Variants in SULT1A1 observed in about 807,000 individuals in gnomAD.
SULT1A1 encodes the protein sulfotransferase 1A1.
A neutral mutation model predicts 36.8 loss-of-function variants in SULT1A1; 35 were observed. The ratio of observed to expected loss-of-function variants is 0.95; its 90% CI spans 0.73 to 1.26. The LOEUF is 1.26. SULT1A1 is among the 50% of genes most tolerant of loss of function. The pLI, the probability that SULT1A1 is intolerant of heterozygous loss-of-function variation, is 0.00. For missense variants in SULT1A1, 309 were observed against 383.0 expected, an observed-to-expected ratio of 0.81 and a Z score of 1.61; for synonymous variants, 119 against 146.0, an observed-to-expected ratio of 0.82 and a Z score of 1.33.
At chr16:28,623,349 C>A in exon 1 of SULT1A1, 1 of 1,496,806 alleles carries the variant, frequency 6.7e-7, no homozygotes, top group Non-Finnish European at 8.9e-7. Flanking sequence ...CAGCACGTCC[C>A]CGGCGGAGAC....
At chr16:28,618,052 T>TA (rs1000818955) in intron 2 of SULT1A1, among the ~76,000 whole-genome samples, 12 of 151,628 alleles carry the variant, frequency 7.9e-5, no homozygotes, top group African/African-American at 2.9e-4. Flanking sequence ...CTTTTTTTTT[T>TA]TTTTTGAACC....
At position 28,605,811 on chromosome 16, in the gene SULT1A1, G is replaced by C. The variant is rs755111239; in HGVS notation, c.*10C>G. 11 of 1,609,590 alleles carry C rather than the reference G, an allele frequency of 6.8e-6. No homozygotes were observed. Among genetic ancestry groups the C allele is most frequent in the Non-Finnish European group, 9.3e-6 (11 of 1,178,102 alleles). ...GCACACTCCCTCTGCAGTGACTCCA[G>C]GAGCCCCTCTCACAGCTCAGAGCGG... On this transcript the variant is annotated 3_prime_UTR_variant, in exon 8 of 8. Coordinates refer to ENST00000314752, the MANE Select transcript of SULT1A1 (RefSeq NM_001055.4).
Position 28,608,356 on chromosome 16 carries a change from G to T in SULT1A1, c.307C>A (p.Arg103=). ...METLKDTPAP[R]LLKTHLPLAL... ...AGGGGCAGGTGTGTCTTCAGGAGTC[G>T]TGGGGCCGGTGTGTCTTTCAGAGTC... The change falls in exon 4 of 8, where the codon CGA becomes AGA. Residue 103 remains arginine (R), a synonymous_variant. Transcript: ENST00000314752. The T allele has an allele frequency of 6.2e-7, 1 of 1,612,398 alleles. No homozygotes were observed. The highest frequency in any genetic ancestry group is 1.1e-5 in the South Asian group (1 of 91,018).
Position 28,605,679 on chromosome 16 carries a change from T to C in SULT1A1, c.*142A>G. The C allele has an allele frequency of 7.0e-7, 1 of 1,429,480 alleles. No individual in the cohort carries two copies. The highest frequency in any genetic ancestry group is 2.4e-5 in the East Asian group (1 of 41,216). The allele number at this position is 1,429,480 out of a possible 1,614,324, so 88.5% of individuals were successfully genotyped here. On this transcript the variant is annotated 3_prime_UTR_variant, in exon 8 of 8. Coordinates refer to ENST00000314752, the MANE Select transcript of SULT1A1 (RefSeq NM_001055.4). ...TTGGTCTCGAACTCCTGGGCTCAAA[T>C]GATCCTCCCACCTCAGCCTCCAAAT...
upstream of SULT1A1, chr16:28,611,130 T>A (rs1170421538): frequency 6.6e-6 from 1 of 152,218 alleles, no homozygotes; most frequent in Admixed American, 6.6e-5. Context: ...CTCAGGAGGT[T>A]CCCTTGACTA....
chr16:28,620,563 CAAA>C (rs5816469), intron 1 of SULT1A1, among the ~76,000 whole-genome samples: 9 of 90,806 alleles, frequency 9.9e-5, no homozygotes, highest in Admixed American at 2.5e-4. Flanking sequence ...GACCCTGTCT[CAAA>C]AAAAAAAAAA....
intron 1 of SULT1A1, chr16:28,623,009 G>A (rs2047685879): frequency 2.3e-6 from 3 of 1,327,498 alleles, no homozygotes; most frequent in Admixed American, 2.5e-5. Context: ...TCAGAGCCCC[G>A]GCTCCTGCCC....
chr16:28,616,742 T>C (rs1310447254), intron 2 of SULT1A1, among the ~76,000 whole-genome samples: 2 of 152,160 alleles, frequency 1.3e-5, no homozygotes, highest in Non-Finnish European at 2.9e-5. Context: ...ATTTCTTATG[T>C]GAACTTGGCT....
intron 2 of SULT1A1, among the ~76,000 whole-genome samples, chr16:28,619,048 C>T (rs1349275116): frequency 6.6e-6 from 1 of 152,148 alleles, no homozygotes; most frequent in Non-Finnish European, 1.5e-5. Context: ...TGGAGTCTTG[C>T]TCTGTTGCCC....
chr16:28,606,735 G>A (rs1160888114), intron 6 of SULT1A1, 26 bp downstream of exon 6: 2 of 1,610,360 alleles, frequency 1.2e-6, no homozygotes, highest in Non-Finnish European at 1.7e-6. Context: ...GAGTCACATG[G>A]AGGGAAGCAT....
chr16:28,607,402 A>G, intron 4 of SULT1A1: 1 of 346,922 alleles, frequency 2.9e-6, no homozygotes, highest in Non-Finnish European at 5.5e-6. Flanking sequence ...TAGCTTTCTT[A>G]GGTCTACACT....
chr16:28,608,261 A>T, intron 4 of SULT1A1, 30 bp downstream of exon 4: 5 of 1,610,498 alleles, frequency 3.1e-6, no homozygotes, highest in Non-Finnish European at 4.2e-6. Flanking sequence ...TGCTGGGATT[A>T]TGGATGTGAA....
rs546277570 is a variant in SULT1A1 at position 28,618,339 on chromosome 16, C to CTTTTTTTTTTT, written c.138+1713_138+1723dup. 2.8e-5 allele frequency among the ~76,000 whole-genome samples: 2 copies of CTTTTTTTTTTT among 72,400 alleles called. 1 individual carries two copies. Among genetic ancestry groups the CTTTTTTTTTTT allele is most frequent in the Non-Finnish European group, 4.8e-5 (2 of 41,378 alleles). 47.5% of individuals were successfully genotyped at this position (72,400 alleles called of 152,430 possible). A position where few individuals can be genotyped will look rare whatever the true frequency, so the allele number is the denominator to read the frequency against. On this transcript the variant is annotated intron_variant, in intron 2 of 5. Coordinates refer to the SULT1A1 transcript ENST00000350842. ...AAGTGTGAGCCGGCTACTTCCCGCT[C>CTTTTTTTTTTT]TTTTTTTTTTTTTTTTTTTTTTTTG...
At chr16:28,610,602 G>A (rs2047414596), upstream of SULT1A1, 2 of 194,236 alleles carry the variant, frequency 1.0e-5, no homozygotes, top group East Asian at 1.5e-4. Context: ...TGGATGCATA[G>A]AACAAGAAAG....
rs144610256 is a variant in SULT1A1, at chr16:28,622,102, G to T, written c.67+1029C>A. On this transcript the variant is annotated intron_variant, in intron 1 of 5. Coordinates refer to the SULT1A1 transcript ENST00000350842. The stretch of plus-strand genomic sequence containing the variant: ...TGACTATAACCTATGCAACCTATGC[G>T]CTAGCATCATGACTCACTGGGACCC... Among the ~76,000 whole-genome samples, 7 of 152,108 alleles carry T rather than the reference G, an allele frequency of 4.6e-5. No homozygotes were observed. The East Asian group carries it at 1.3e-3, about 29-fold the overall frequency.
chr16:28,623,008 C>T (rs979726371), intron 1 of SULT1A1: 6 of 1,322,078 alleles, frequency 4.5e-6, no homozygotes, highest in Non-Finnish European at 6.2e-6. Context: ...CTCAGAGCCC[C>T]GGCTCCTGCC....
At position 28,605,527 on chromosome 16, in the gene SULT1A1, T is replaced by G. The variant is rs2047140229; in HGVS notation, c.*294A>C. 119 of 509,686 alleles carry G rather than the reference T, an allele frequency of 2.3e-4. No individual in the cohort carries two copies. The South Asian group carries it at 2.5e-3, about 11-fold the overall frequency. The allele number at this position is 509,686 out of a possible 1,614,324, so 31.6% of individuals were successfully genotyped here. ...CCTCCAGTGATCCTCTAGCCTCAACTTCTCAAATTGCTGGGATTACAGGCA... is the reference window on the plus strand; with the variant it reads ...CCTCCAGTGATCCTCTAGCCTCAACGTCTCAAATTGCTGGGATTACAGGCA... On this transcript the variant is annotated 3_prime_UTR_variant, in exon 8 of 8. Coordinates refer to ENST00000314752, the MANE Select transcript of SULT1A1 (RefSeq NM_001055.4).
At position 28,606,158 on chromosome 16, in the gene SULT1A1, G is replaced by C. The variant is rs778104206; in HGVS notation, c.673C>G (p.Gln225Glu). 6.0e-5 allele frequency: 97 copies of C among 1,611,634 alleles called. 2 individuals are homozygous for C. Among genetic ancestry groups the C allele is most frequent in the African/African-American group, 1.1e-4 (8 of 74,930 alleles). The change falls in exon 7 of 8, where the codon CAG (glutamine) becomes GAG (glutamate). Residue 225 changes from glutamine to glutamate, a missense_variant. Coordinates refer to ENST00000314752, the MANE Select transcript of SULT1A1 (RefSeq NM_001055.4). ...LPEETVDFVV[Q>E]HTSFKEMKKN... Reference sequence around the variant, plus strand: ...TTCATCTCCTTGAACGACGTGTGCTGAACCACGAAGTCCACGGTCTCCTCT... The same window carrying C: ...TTCATCTCCTTGAACGACGTGTGCTCAACCACGAAGTCCACGGTCTCCTCT...
At chr16:28,623,236 G>T (rs1468414074) in exon 1 of SULT1A1, 5 of 1,545,206 alleles carry the variant, frequency 3.2e-6, no homozygotes, top group Non-Finnish European at 3.5e-6. Context: ...CGCTCCAGCA[G>T]GCCCAGCCAC....
Sources: allele counts gnomAD v4.1 joint callset (sites outside exome capture counted in the v4.1 genomes callset), GRCh38; gene constraint gnomAD v4.1.1; transcripts MANE v1.5; gene names NCBI Gene and HGNC (gene_info 2026-07-23, HGNC 2026-07-21).